Variants in LRRC7 observed in about 807,000 individuals in gnomAD.
LRRC7 encodes leucine rich repeat containing 7.
LRRC7 carries 23 observed loss-of-function variants against 175.7 expected under a neutral mutation model. The observed-to-expected ratio is 0.13, with a 90% CI of 0.09 to 0.19. The LOEUF (loss-of-function observed/expected upper bound fraction) is 0.19, where lower values mean the gene tolerates loss of function less well. Ranked by LOEUF, LRRC7 falls within the 10% of genes least tolerant of loss-of-function variation. The pLI is 1.00. For synonymous variants in LRRC7, 685 were observed against 680.9 expected (o/e 1.01, Z -0.09); for missense variants, 1,354 against 1,904.7 (o/e 0.71, Z 5.38).
At chr1:69,664,955 T>C (rs1658051925) in intron 1 of LRRC7, among the ~76,000 whole-genome samples, 1 of 152,210 alleles carries the variant, frequency 6.6e-6, no homozygotes, top group African/African-American at 2.4e-5. Flanking sequence ...TTTAAGTCTT[T>C]AATCCATTTT....
At chr1:69,641,320 G>A (rs810348) in intron 1 of LRRC7, among the ~76,000 whole-genome samples, 111,005 of 151,338 alleles carry the variant, frequency 0.73, 41,057 homozygotes, top group African/African-American at 0.82. Context: ...TTTTACATGG[G>A]CAGTACTTTA....
At chr1:69,922,111 G>T (rs537395809) in intron 7 of LRRC7, among the ~76,000 whole-genome samples, 68 of 151,852 alleles carry the variant, frequency 4.5e-4, no homozygotes, top group African/African-American at 1.5e-3. Flanking sequence ...TTTTTAGAGA[G>T]ACGGGGGTTT....
intron 1 of LRRC7, among the ~76,000 whole-genome samples, chr1:69,620,154 A>G (rs1320735654): frequency 6.6e-6 from 1 of 152,306 alleles, no homozygotes; most frequent in South Asian, 2.1e-4. Context: ...CCAATATTAA[A>G]GAAATTTGCA....
At chr1:70,090,450 A>G (rs766664175) in intron 25 of LRRC7, among the ~76,000 whole-genome samples, 6 of 152,070 alleles carry the variant, frequency 3.9e-5, no homozygotes, top group Non-Finnish European at 7.4e-5. Context: ...TTTCCTGGAC[A>G]TTCAAGATGT....
At chr1:69,639,232 G>A (rs1183136905) in intron 1 of LRRC7, among the ~76,000 whole-genome samples, 3 of 151,652 alleles carry the variant, frequency 2.0e-5, no homozygotes, top group African/African-American at 7.2e-5. Flanking sequence ...AGTTATTAAA[G>A]GCTACCCAAT....
At position 70,139,616 on chromosome 1, in the gene LRRC7, T is replaced by G. The variant is rs1048984470; in HGVS notation, c.*17729T>G. The G allele has an allele frequency of 1.3e-5, 2 of 152,164 alleles. No homozygotes were observed. The highest frequency in any genetic ancestry group is 4.8e-5 in the African/African-American group (2 of 41,436). 9.4% of individuals were successfully genotyped at this position (152,164 alleles called of 1,614,324 possible). A position where few individuals can be genotyped will look rare whatever the true frequency, so the allele number is the denominator to read the frequency against. On this transcript the variant is annotated 3_prime_UTR_variant, in exon 27 of 27. Coordinates refer to ENST00000651989, the MANE Select transcript of LRRC7 (RefSeq NM_001370785.2). ...AAGTGTGCCATTACTATTTGAAAAC[T>G]AGCTCTGCAGGAAGGGTTAAATCAA...
intron 4 of LRRC7, among the ~76,000 whole-genome samples, chr1:69,823,994 C>T (rs1679607802): frequency 6.6e-6 from 1 of 152,112 alleles, no homozygotes; most frequent in African/African-American, 2.4e-5. Flanking sequence ...AAACTGTAAA[C>T]AATATAATAC....
intron 4 of LRRC7, among the ~76,000 whole-genome samples, chr1:69,810,238 G>A (rs1045000902): frequency 3.9e-5 from 6 of 152,170 alleles, no homozygotes; most frequent in African/African-American, 1.4e-4. Flanking sequence ...CCTCTTCAAG[G>A]AGAACTACAA....
chr1:69,991,713 A>T (rs1470026828), intron 10 of LRRC7, among the ~76,000 whole-genome samples: 1 of 152,194 alleles, frequency 6.6e-6, no homozygotes, highest in African/African-American at 2.4e-5. Flanking sequence ...AAGAATCTTC[A>T]TAGTATTAAT....
At chr1:69,936,629 T>C (rs776505624) in intron 8 of LRRC7, among the ~76,000 whole-genome samples, 1 of 152,168 alleles carries the variant, frequency 6.6e-6, no homozygotes, top group Non-Finnish European at 1.5e-5. Flanking sequence ...ATAAATTGCA[T>C]GTCACTGGGG....
At chr1:69,788,771 A>T (rs972573365) in intron 3 of LRRC7, among the ~76,000 whole-genome samples, 4 of 152,232 alleles carry the variant, frequency 2.6e-5, no homozygotes, top group Non-Finnish European at 5.9e-5. Context: ...AATCTGGTAC[A>T]GATATCCTAC....
intron 25 of LRRC7, among the ~76,000 whole-genome samples, chr1:70,098,485 G>A (rs1419968589): frequency 2.0e-5 from 3 of 147,256 alleles, no homozygotes; most frequent in Admixed American, 1.3e-4. Context: ...CAGAACTAAA[G>A]GAAATAGAGA....
At position 70,101,449 on chromosome 1, in the gene LRRC7, T is replaced by C. The variant is rs116291155; in HGVS notation, c.4546-6303T>C. On this transcript the variant is annotated intron_variant, in intron 25 of 26. Coordinates refer to ENST00000651989, the MANE Select transcript of LRRC7 (RefSeq NM_001370785.2). ...CAAGTTCTATTTTGGTATCTACATT[T>C]ACAATGGCTGAGACTGTCACAATCG... Among the ~76,000 whole-genome samples the C allele has an allele frequency of 3.8e-3, 586 of 152,324 alleles. 4 individuals carry two copies. The highest frequency in any genetic ancestry group is 0.013 in the African/African-American group (554 of 41,588).
chr1:70,054,578 CTT>C (rs35639787), intron 23 of LRRC7, among the ~76,000 whole-genome samples: 5 of 53,828 alleles, frequency 9.3e-5, no homozygotes, highest in Non-Finnish European at 1.4e-4. Context: ...TTACACTCTA[CTT>C]TTTTTTTTTT....
chr1:69,985,382 T>G (rs1464518486), intron 9 of LRRC7, among the ~76,000 whole-genome samples: 1 of 152,236 alleles, frequency 6.6e-6, no homozygotes, highest in Non-Finnish European at 1.5e-5. Flanking sequence ...CATTTGAAAT[T>G]TTAAGGATCT....
intron 23 of LRRC7, among the ~76,000 whole-genome samples, chr1:70,069,250 G>C (rs559687491): frequency 2.6e-4 from 40 of 152,210 alleles, no homozygotes; most frequent in Admixed American, 1.9e-3. Flanking sequence ...CAATCATGGC[G>C]GAAGGCAAAG....
chr1:69,719,882 A>G (rs1666164602), intron 2 of LRRC7, among the ~76,000 whole-genome samples: 1 of 151,624 alleles, frequency 6.6e-6, no homozygotes, highest in Non-Finnish European at 1.5e-5. Flanking sequence ...TTTATCTCTA[A>G]TAATGCCTTT....
chr1:69,831,934 A>T (rs558541044), intron 5 of LRRC7, among the ~76,000 whole-genome samples: 1 of 152,170 alleles, frequency 6.6e-6, no homozygotes, highest in Non-Finnish European at 1.5e-5. Context: ...TTGTTCTGTT[A>T]TACATAGTTT....
chr1:69,612,130 G>T lies in LRRC7; in HGVS notation c.2+43489G>T, dbSNP rs149807528. On this transcript the variant is annotated intron_variant, in intron 1 of 26. Coordinates refer to ENST00000651989, the MANE Select transcript of LRRC7 (RefSeq NM_001370785.2). ...ATTCCTATGCTACCCTAATATCATT[G>T]ACTTATATTGCATTAAAAGTGAATA... 6.2e-3 allele frequency among the ~76,000 whole-genome samples: 941 copies of T among 151,996 alleles called. 11 individuals carry two copies. The highest frequency in any genetic ancestry group is 0.022 in the African/African-American group (903 of 41,488).
Sources: allele counts gnomAD v4.1 joint callset (sites outside exome capture counted in the v4.1 genomes callset), GRCh38; gene constraint gnomAD v4.1.1; transcripts MANE v1.5; gene names NCBI Gene and HGNC (gene_info 2026-07-23, HGNC 2026-07-21).